Variants in BACE2 observed in about 807,000 individuals in gnomAD.
BACE2 encodes beta-secretase 2, also known as 56 kDa aspartic-like protease.
BACE2 carries 17 observed loss-of-function variants against 46.2 expected under a neutral mutation model. The ratio of observed to expected loss-of-function variants is 0.37; its 90% CI spans 0.25 to 0.55. BACE2 has a LOEUF of 0.55. Ranked by LOEUF, BACE2 falls within the 20% of genes least tolerant of loss-of-function variation. BACE2 has a pLI of 0.82. For missense variants in BACE2, 595 were observed against 698.1 expected (o/e 0.85, Z 1.66); for synonymous variants, 277 against 295.9 (o/e 0.94, Z 0.66).
chr21:41,222,213 C>T (rs1260065711), intron 1 of BACE2, among the ~76,000 whole-genome samples: 1 of 152,196 alleles, frequency 6.6e-6, no homozygotes, highest in Non-Finnish European at 1.5e-5. Context: ...ATAGGAAGCA[C>T]GTACAGCAGT....
chr21:41,215,146 A>C (rs1229580042), intron 1 of BACE2, among the ~76,000 whole-genome samples: 1 of 152,138 alleles, frequency 6.6e-6, no homozygotes, highest in Admixed American at 6.5e-5. Context: ...CCATCTCTGC[A>C]GGTGGAGGAG....
At chr21:41,201,152 C>T (rs1191015160) in intron 1 of BACE2, among the ~76,000 whole-genome samples, 1 of 152,218 alleles carries the variant, frequency 6.6e-6, no homozygotes, top group Non-Finnish European at 1.5e-5. Context: ...GCTGTCTTAC[C>T]CTACCTGTCT....
At chr21:41,179,105 G>T in intron 1 of BACE2, 1 of 1,204,474 alleles carries the variant, frequency 8.3e-7, no homozygotes, top group African/African-American at 1.6e-5. Context: ...CAGGGTGACT[G>T]AGGGTGCCAG....
chr21:41,214,565 C>A (rs1986398516), intron 1 of BACE2, among the ~76,000 whole-genome samples: 1 of 152,228 alleles, frequency 6.6e-6, no homozygotes, highest in South Asian at 2.1e-4. Context: ...CTTTTACTCT[C>A]AGATTTTCTG....
At chr21:41,185,603 G>A (rs752997449) in intron 1 of BACE2, among the ~76,000 whole-genome samples, 4 of 152,158 alleles carry the variant, frequency 2.6e-5, no homozygotes, top group South Asian at 2.1e-4. Flanking sequence ...ACCAATATTC[G>A]CCTAGCGAAA....
chr21:41,201,562 T>C (rs1384873753), intron 1 of BACE2, among the ~76,000 whole-genome samples: 1 of 152,346 alleles, frequency 6.6e-6, no homozygotes, highest in East Asian at 1.9e-4. Flanking sequence ...GGAAGTTCAT[T>C]GATCTTCAAA....
chr21:41,213,428 G>A (rs974203851), intron 1 of BACE2, among the ~76,000 whole-genome samples: 5 of 151,376 alleles, frequency 3.3e-5, no homozygotes, highest in Middle Eastern at 3.2e-3. Flanking sequence ...GTTTCTACTT[G>A]CATCAAAACA....
In BACE2 at chr21:41,193,278, A is replaced by G. The variant is rs1985635471; in HGVS notation, c.312+24703A>G. ...GTGGGCCTTATGGACAGGAATGGGGAAAAAGTCATTTGCCAAGTCAATGGC... is the reference window on the plus strand; with the variant it reads ...GTGGGCCTTATGGACAGGAATGGGGGAAAAGTCATTTGCCAAGTCAATGGC... On this transcript the variant is annotated intron_variant, in intron 1 of 8. Coordinates refer to ENST00000330333, the MANE Select transcript of BACE2 (RefSeq NM_012105.5). The surrounding 1 kb of genome is among the most constrained non-coding windows in gnomAD (Gnocchi z 4.2). 6.6e-6 allele frequency among the ~76,000 whole-genome samples: 1 copy of G among 152,164 alleles called. No individual in the cohort carries two copies. The highest frequency in any genetic ancestry group is 2.4e-5 in the African/African-American group (1 of 41,440).
At chr21:41,237,307 G>T (rs181875168) in intron 2 of BACE2, among the ~76,000 whole-genome samples, 307 of 152,214 alleles carry the variant, frequency 2.0e-3, no homozygotes, top group Non-Finnish European at 3.1e-3. Context: ...TTAGCTGGGC[G>T]TGGTGATGTG....
chr21:41,219,110 C>T (rs1986563523), intron 1 of BACE2, among the ~76,000 whole-genome samples: 1 of 152,198 alleles, frequency 6.6e-6, no homozygotes, highest in African/African-American at 2.4e-5. Flanking sequence ...ATCTGCCTGC[C>T]TCGGCCTCCC....
rs1005722229 is a variant in BACE2, at chr21:41,168,269, C to T, written c.6C>T (p.Gly2=). Residue 2 remains glycine, a synonymous_variant, in exon 1 of 9, where the codon GGC becomes GGT. Transcript: ENST00000330333. The stretch of plus-strand genomic sequence containing the variant: ...CCCCGGGCCCCGCCGTGGGCATGGG[C>T]GCACTGGCCCGGGCGCTGCTGCTGC... M[G]ALARALLLPL... is the part of the protein sequence containing the mutation. 6.7e-6 allele frequency: 8 copies of T among 1,195,760 alleles called. No individual in the cohort carries two copies. In the Admixed American group the frequency reaches 2.7e-4, roughly 41 times the overall value. 74.1% of individuals were successfully genotyped at this position (1,195,760 alleles called of 1,614,324 possible). A position where few individuals can be genotyped will look rare whatever the true frequency, so the allele number is the denominator to read the frequency against.
intron 6 of BACE2, among the ~76,000 whole-genome samples, chr21:41,247,796 G>A (rs750675103): frequency 2.6e-5 from 4 of 152,238 alleles, no homozygotes; most frequent in Non-Finnish European, 4.4e-5. Flanking sequence ...CGGTGCCTGC[G>A]TCAGGAGGGA....
intron 5 of BACE2, among the ~76,000 whole-genome samples, chr21:41,244,227 C>T (rs1291292336): frequency 2.0e-5 from 3 of 152,234 alleles, no homozygotes; most frequent in African/African-American, 7.2e-5. Flanking sequence ...TTACCCATCA[C>T]ATCCCAACAT....
intron 1 of BACE2, among the ~76,000 whole-genome samples, chr21:41,207,262 A>G (rs1986157359): frequency 6.6e-6 from 1 of 152,218 alleles, no homozygotes; most frequent in Non-Finnish European, 1.5e-5. Flanking sequence ...GAAAGGAAGA[A>G]GCTAATTAGC....
chr21:41,259,038 C>T lies in BACE2; in HGVS notation c.1303+1712C>T, dbSNP rs1273797313. ...ATTTTGTCCACAATTTCTGTTCTCTCATTAAATATCATTAAAGTAGAGGCT... is the reference window on the plus strand; with the variant it reads ...ATTTTGTCCACAATTTCTGTTCTCTTATTAAATATCATTAAAGTAGAGGCT... On this transcript the variant is annotated intron_variant, in intron 8 of 8. Transcript: ENST00000330333. Among the ~76,000 whole-genome samples, 5 of 152,274 alleles carry T rather than the reference C, an allele frequency of 3.3e-5. No individual in the cohort carries two copies. In the East Asian group the frequency reaches 5.8e-4, roughly 18 times the overall value.
chr21:41,238,976 AAAAG>A (rs1033081164), intron 3 of BACE2, among the ~76,000 whole-genome samples: 2 of 150,998 alleles, frequency 1.3e-5, no homozygotes, highest in African/African-American at 4.9e-5. Context: ...AAAAAAAAAA[AAAAG>A]AACTGCAGAA....
chr21:41,218,667 C>T (rs1986548164), intron 1 of BACE2, among the ~76,000 whole-genome samples: 2 of 152,124 alleles, frequency 1.3e-5, no homozygotes, highest in Admixed American at 6.5e-5. Flanking sequence ...GTACATTCAC[C>T]ACCTCATCTT....
intron 1 of BACE2, chr21:41,176,193 A>G (rs1984829819): frequency 6.6e-6 from 1 of 152,132 alleles, no homozygotes; most frequent in South Asian, 2.1e-4. Context: ...CCCCAGACCA[A>G]TCTGCTTCAG....
chr21:41,200,274 T>C (rs1985918841), intron 1 of BACE2, among the ~76,000 whole-genome samples: 1 of 152,054 alleles, frequency 6.6e-6, no homozygotes, highest in Non-Finnish European at 1.5e-5. Context: ...CTCTGATAAA[T>C]ACAGCTGGTG....
Sources: allele counts gnomAD v4.1 joint callset (sites outside exome capture counted in the v4.1 genomes callset), GRCh38; gene constraint gnomAD v4.1.1; non-coding constraint Gnocchi (gnomAD v3.1); transcripts MANE v1.5; gene names NCBI Gene and HGNC (gene_info 2026-07-23, HGNC 2026-07-21).